MED25: variants seen among roughly 807,000 people sequenced by gnomAD.
MED25 encodes the protein mediator complex subunit 25.
A neutral mutation model predicts 89.4 loss-of-function variants in MED25; 62 were observed. The observed-to-expected ratio is 0.69, with a 90% CI of 0.57 to 0.86. The LOEUF is 0.86. MED25 is among the 40% of genes least tolerant of loss of function. The probability of loss-of-function intolerance (pLI) is 0.00; values close to 1 mark genes in which losing one functional copy is unlikely to be tolerated. For missense variants in MED25, 905 were observed against 1,005.2 expected, an observed-to-expected ratio of 0.90 and a Z score of 1.35; for synonymous variants, 449 against 427.9, an observed-to-expected ratio of 1.05 and a Z score of -0.61.
chr19:49,838,282 T>G (rs2074113452), downstream of MED25, among the ~76,000 whole-genome samples: 1 of 152,130 alleles, frequency 6.6e-6, no homozygotes, highest in African/African-American at 2.4e-5. Flanking sequence ...GTTGTAAAAA[T>G]CAGGTTAATT....
intron 3 of MED25, among the ~76,000 whole-genome samples, chr19:49,824,275 T>G (rs1600318410): frequency 1.3e-5 from 2 of 152,204 alleles, no homozygotes; most frequent in Admixed American, 1.3e-4. Context: ...TCTGCCTCCA[T>G]GACCTGTCAC....
chr19:49,839,573 C>T (rs2074121003), downstream of MED25: 1 of 152,178 alleles, frequency 6.6e-6, no homozygotes, highest in African/African-American at 2.4e-5. Context: ...CAGGCAAAAG[C>T]CACAGTGGGT....
At chr19:49,828,585 T>C in intron 4 of MED25, 38 bp downstream of exon 4, 3 of 1,518,258 alleles carry the variant, frequency 2.0e-6, no homozygotes, top group Non-Finnish European at 2.7e-6. Context: ...CCGGTCTCTC[T>C]CTGCCTGGCC....
rs75555237 is a variant in MED25 at position 49,836,691 on chromosome 19, A to G, written c.2147-156A>G. On this transcript the variant is annotated intron_variant, in intron 17 of 17. Transcript: ENST00000312865. The surrounding 1 kb of genome is among the most constrained non-coding windows in gnomAD (Gnocchi z 5.1). ...GAAGTAGTTTTGGAGAAGGGCCCCC[A>G]AAGGCTCATGGGAAACAGCATATTT... 2.8e-5 allele frequency: 21 copies of G among 747,894 alleles called. No individual in the cohort carries two copies. Among genetic ancestry groups the G allele is most frequent in the South Asian group, 2.4e-4 (16 of 67,370 alleles). The allele number at this position is 747,894 out of a possible 1,614,324, so 46.3% of individuals were successfully genotyped here.
chr19:49,828,408 GA>G (rs2074029404), intron 3 of MED25, 40 bp from the exon 4 acceptor site: 2 of 1,366,666 alleles, frequency 1.5e-6, no homozygotes. Context: ...TGGGGATGGG[GA>G]TGATGGCAAC....
At chr19:49,822,266 A>AG (rs975147244) in intron 3 of MED25, among the ~76,000 whole-genome samples, 2 of 144,364 alleles carry the variant, frequency 1.4e-5, no homozygotes, top group African/African-American at 5.3e-5. Flanking sequence ...CTGTCTCAAA[A>AG]AAAAAAAAAA....
rs1445959303 is a variant in MED25, at chr19:49,828,506, C to T, written c.363C>T (p.Ala121=). 1 of 1,613,992 alleles carries T rather than the reference C, an allele frequency of 6.2e-7. No individual in the cohort carries two copies. Among genetic ancestry groups the T allele is most frequent in the Non-Finnish European group, 8.5e-7 (1 of 1,179,994 alleles). Residue 121 remains alanine (A), a synonymous_variant, in exon 4 of 18, where the codon GCC becomes GCT. Transcript: ENST00000312865. ...TCATCGCGGAAGGACTCAGCACAGC[C>T]TTGCAGCTGTTTGATGACTTCAAGA... The part of the protein sequence containing the change: ...CSLIAEGLST[A]LQLFDDFKKM...
chr19:49,829,931 G>C lies in MED25; in HGVS notation c.671G>C (p.Arg224Pro). ...GACCCGAGGCACATGGTGCTGGTTCGGGGACTCGTGCTGCCTGGTGAGGCC... is the reference window on the plus strand; with the variant it reads ...GACCCGAGGCACATGGTGCTGGTTCCGGGACTCGTGCTGCCTGGTGAGGCC... ...SQDPRHMVLV[R>P]GLVLPVGGGS... Residue 224 changes from arginine (R) to proline (P), a missense_variant, in exon 6 of 18, where the codon CGG (arginine) becomes CCG (proline). Transcript: ENST00000312865. The surrounding 1 kb of genome is among the most constrained non-coding windows in gnomAD (Gnocchi z 4.6). 6.2e-7 allele frequency: 1 copy of C among 1,612,274 alleles called. No individual in the cohort carries two copies. The highest frequency in any genetic ancestry group is 8.5e-7 in the Non-Finnish European group (1 of 1,179,116).
Position 49,832,430 on chromosome 19 carries a change from T to C in MED25, c.1482+15T>C. On this transcript the variant is annotated intron_variant, in intron 13 of 17. Transcript: ENST00000312865. ...GCAACGGCTTCGTGAGTCCAGGGCATGGGGGGCCGAGGGGTGTTGACTCTT... is the reference window on the plus strand; with the variant it reads ...GCAACGGCTTCGTGAGTCCAGGGCACGGGGGGCCGAGGGGTGTTGACTCTT... The C allele has an allele frequency of 6.9e-7, 1 of 1,445,822 alleles. No homozygotes were observed. Among genetic ancestry groups the C allele is most frequent in the East Asian group, 2.3e-5 (1 of 43,758 alleles). The allele number at this position is 1,445,822 out of a possible 1,614,324, so 89.6% of individuals were successfully genotyped here.
In MED25 at chr19:49,830,106, C is replaced by T. The variant is rs745461910; in HGVS notation, c.707C>T (p.Pro236Leu). Reference protein sequence around the residue: ...LVLPVGGGSAPGPLQSKQPVP... With the variant: ...LVLPVGGGSALGPLQSKQPVP... ...CTCTCAGTTGGGGGTGGCTCAGCCCCAGGCCCCCTCCAGTCAAAGCAGCCA... is the reference window on the plus strand; with the variant it reads ...CTCTCAGTTGGGGGTGGCTCAGCCCTAGGCCCCCTCCAGTCAAAGCAGCCA... The change falls in exon 7 of 18, where the codon CCA becomes CTA. Residue 236 changes from proline to leucine, a missense_variant. By Grantham distance (98) the Pro-to-Leu change is moderately conservative. Around this residue, in one of 3 missense-constraint regions of MED25, gnomAD observed 501 missense variants for 526.9 expected, o/e 0.95. Transcript: ENST00000312865. The surrounding 1 kb of genome is among the most constrained non-coding windows in gnomAD (Gnocchi z 4.6). 1.2e-6 allele frequency: 2 copies of T among 1,608,350 alleles called. No homozygotes were observed. The highest frequency in any genetic ancestry group is 1.1e-5 in the South Asian group (1 of 90,828).
intron 13 of MED25, chr19:49,832,969 G>T (rs971576618): frequency 1.1e-5 from 2 of 181,484 alleles, no homozygotes; most frequent in Non-Finnish European, 1.2e-5. Flanking sequence ...CTGTATCTTT[G>T]TGTCTGTGCT....
chr19:49,832,547 G>A, intron 13 of MED25, 132 bp downstream of exon 13: 1 of 692,574 alleles, frequency 1.4e-6, no homozygotes. Flanking sequence ...CATGCCCTTA[G>A]GTTCCTCGCC....
chr19:49,825,640 C>T (rs12979043), intron 3 of MED25, among the ~76,000 whole-genome samples: 21 of 151,398 alleles, frequency 1.4e-4, no homozygotes, highest in African/African-American at 4.6e-4. Context: ...GAGACCAGCC[C>T]GACCAACATG....
In MED25 at chr19:49,818,301, C is replaced by T. The variant is rs888820343; in HGVS notation, c.-41C>T. The T allele has an allele frequency of 6.4e-7, 1 of 1,554,552 alleles. No homozygotes were observed. Among genetic ancestry groups the T allele is most frequent in the South Asian group, 1.2e-5 (1 of 86,388 alleles). ...CGCATTTCTGCTCATTCCGCGGCGTCGGCTGCGGCTGCAGTGGTGGTGGCG... is the reference window on the plus strand; with the variant it reads ...CGCATTTCTGCTCATTCCGCGGCGTTGGCTGCGGCTGCAGTGGTGGTGGCG... On this transcript the variant is annotated 5_prime_UTR_variant, in exon 1 of 18. Transcript: ENST00000312865.
At chr19:49,818,864 T>C in intron 2 of MED25, 1 of 576,166 alleles carries the variant, frequency 1.7e-6, no homozygotes. Context: ...TCCCTGGGTC[T>C]GAGGGAGGAA....
At chr19:49,828,375 G>A in intron 3 of MED25, 74 bp from the exon 4 acceptor site, 1 of 1,015,812 alleles carries the variant, frequency 9.8e-7, no homozygotes, top group Non-Finnish European at 1.6e-6. Flanking sequence ...GACAGCATGG[G>A]AGCAGGCTCT....
At chr19:49,832,063 G>C in intron 11 of MED25, 37 bp from the exon 12 acceptor site, 1 of 1,613,346 alleles carries the variant, frequency 6.2e-7, no homozygotes, top group East Asian at 2.2e-5. Context: ...GGCTGGGGCT[G>C]GCCCCCTCCT....
Position 49,831,943 on chromosome 19 carries a change from A to C in MED25, c.1238A>C (p.Lys413Thr). 6.2e-7 allele frequency: 1 copy of C among 1,614,072 alleles called. No individual in the cohort carries two copies. Among genetic ancestry groups the C allele is most frequent in the Non-Finnish European group, 8.5e-7 (1 of 1,179,966 alleles). Residue 413 changes from lysine to threonine, a missense_variant, in exon 11 of 18, where the codon AAA becomes ACA. Lys to Thr is a moderately conservative substitution (Grantham distance 78). Transcript: ENST00000312865. The surrounding 1 kb of genome is among the most constrained non-coding windows in gnomAD (Gnocchi z 5.0). Reference sequence around the variant, plus strand: ...CTCTTTTTTCCCCCTCAGAAACCCAAACCTGCCTCAGTGGATGCCAACACC... The same window carrying C: ...CTCTTTTTTCCCCCTCAGAAACCCACACCTGCCTCAGTGGATGCCAACACC... ...SGVLEWQEKPKPASVDANTKL... is the reference protein window; with the variant it reads ...SGVLEWQEKPTPASVDANTKL...
chr19:49,821,687 CAT>C (rs1429982807), intron 3 of MED25, among the ~76,000 whole-genome samples: 1 of 152,022 alleles, frequency 6.6e-6, no homozygotes, highest in African/African-American at 2.4e-5. Context: ...CATGGTGGCG[CAT>C]GCCTGTAATC....
Sources: allele counts gnomAD v4.1 joint callset (sites outside exome capture counted in the v4.1 genomes callset), GRCh38; gene constraint gnomAD v4.1.1; regional missense constraint gnomAD v4.1.1; non-coding constraint Gnocchi (gnomAD v3.1); transcripts MANE v1.5; gene names NCBI Gene and HGNC (gene_info 2026-07-23, HGNC 2026-07-21).